Variants in GALNT18 observed in about 807,000 individuals in gnomAD.
The protein encoded by GALNT18 is GalNAc-transferase 18.
A neutral mutation model predicts 69.5 loss-of-function variants in GALNT18; 44 were observed. The ratio of observed to expected loss-of-function variants is 0.63; its 90% CI spans 0.50 to 0.81. The LOEUF (loss-of-function observed/expected upper bound fraction) is 0.81, where lower values mean the gene tolerates loss of function less well. GALNT18 is among the 40% of genes least tolerant of loss of function. GALNT18 has a pLI of 0.00. For missense variants in GALNT18, 715 were observed against 810.0 expected (o/e 0.88, Z 1.42); for synonymous variants, 364 against 318.2 (o/e 1.14, Z -1.53).
chr11:11,418,055 A>T (rs1361555785), intron 3 of GALNT18, among the ~76,000 whole-genome samples: 1 of 152,240 alleles, frequency 6.6e-6, no homozygotes, highest in Admixed American at 6.5e-5. Context: ...TGATAGAACT[A>T]CTAAATGGCT....
intron 9 of GALNT18, among the ~76,000 whole-genome samples, chr11:11,295,486 T>TG (rs1023834360): frequency 1.3e-5 from 2 of 152,150 alleles, no homozygotes; most frequent in African/African-American, 2.4e-5. Flanking sequence ...AGGAGGGCTT[T>TG]GGGGTCATGG....
chr11:11,410,980 C>T (rs1854713376), intron 3 of GALNT18, among the ~76,000 whole-genome samples: 1 of 152,172 alleles, frequency 6.6e-6, no homozygotes, highest in Non-Finnish European at 1.5e-5. Flanking sequence ...TTGACTCTGT[C>T]AATGCCTCCT....
chr11:11,280,817 G>T (rs763535322), intron 10 of GALNT18, among the ~76,000 whole-genome samples: 1 of 152,162 alleles, frequency 6.6e-6, no homozygotes, highest in Non-Finnish European at 1.5e-5. Flanking sequence ...TGGGTGTGAA[G>T]CACAGCCTCA....
chr11:11,307,150 C>T (rs916138226), intron 9 of GALNT18, among the ~76,000 whole-genome samples: 3 of 137,718 alleles, frequency 2.2e-5, no homozygotes, highest in Non-Finnish European at 4.8e-5. Context: ...TCTAGCCTAG[C>T]CCAAATTGCC....
intron 2 of GALNT18, among the ~76,000 whole-genome samples, chr11:11,437,755 T>C (rs1855435832): frequency 9.5e-6 from 1 of 105,292 alleles, no homozygotes; most frequent in South Asian, 3.8e-4. Context: ...CTGCTTGACC[T>C]GGGGGTGGGG....
In GALNT18 at chr11:11,615,986, T is replaced by TTTC. The variant is rs375596533; in HGVS notation, c.235+5370_235+5372dup. On this transcript the variant is annotated intron_variant, in intron 1 of 10. Coordinates refer to ENST00000227756, the MANE Select transcript of GALNT18 (RefSeq NM_198516.3). ...ACAAATCACAAACACTGAGTCTTTTTTTCTTCTTCTTCTTCTTCTTTTTTT... is the reference window on the plus strand; with the variant it reads ...ACAAATCACAAACACTGAGTCTTTTTTTCTTCTTCTTCTTCTTCTTCTTTTTTT... Among the ~76,000 whole-genome samples, 6 of 152,280 alleles carry TTTC rather than the reference T, an allele frequency of 3.9e-5. No individual in the cohort carries two copies. In the South Asian group the frequency reaches 6.2e-4, roughly 16 times the overall value.
intron 1 of GALNT18, among the ~76,000 whole-genome samples, chr11:11,490,078 C>T (rs1306391156): frequency 6.6e-6 from 1 of 152,154 alleles, no homozygotes; most frequent in Non-Finnish European, 1.5e-5. Flanking sequence ...TGGGGTCATT[C>T]ACTTCATGAA....
chr11:11,612,145 C>CTTCATTT (rs1859921629), intron 1 of GALNT18, among the ~76,000 whole-genome samples: 2 of 150,966 alleles, frequency 1.3e-5, no homozygotes, highest in Non-Finnish European at 3.0e-5. Flanking sequence ...CTTGAACAAA[C>CTTCATTT]TCTAAGTCTT....
intron 1 of GALNT18, among the ~76,000 whole-genome samples, chr11:11,479,218 C>T (rs901001153): frequency 3.3e-5 from 5 of 150,774 alleles, no homozygotes; most frequent in African/African-American, 5.0e-5. Context: ...AATTGGACAC[C>T]GATTCAACTA....
chr11:11,298,753 G>A (rs754336901), intron 9 of GALNT18, among the ~76,000 whole-genome samples: 2 of 152,170 alleles, frequency 1.3e-5, no homozygotes, highest in African/African-American at 2.4e-5. Context: ...TTTGTCTTTT[G>A]GATAACTGGC....
intron 6 of GALNT18, among the ~76,000 whole-genome samples, chr11:11,358,352 C>T (rs1473113596): frequency 7.2e-6 from 1 of 139,704 alleles, no homozygotes; most frequent in Non-Finnish European, 1.6e-5. Context: ...TTTCTAATGC[C>T]AAACTTGCCA....
At chr11:11,307,286 A>G (rs1590025701) in intron 9 of GALNT18, among the ~76,000 whole-genome samples, 2 of 152,214 alleles carry the variant, frequency 1.3e-5, no homozygotes, top group African/African-American at 4.8e-5. Flanking sequence ...ATGGCACACA[A>G]GGGAGGTGTT....
chr11:11,468,374 C>T (rs899070439), intron 1 of GALNT18, among the ~76,000 whole-genome samples: 3 of 152,342 alleles, frequency 2.0e-5, no homozygotes, highest in East Asian at 1.9e-4. Flanking sequence ...CAGGCTGTGG[C>T]GGTCCCCAGG....
At chr11:11,410,532 C>T (rs1854703542) in intron 3 of GALNT18, among the ~76,000 whole-genome samples, 1 of 152,138 alleles carries the variant, frequency 6.6e-6, no homozygotes. Context: ...GGTATTTTTA[C>T]ATGTCTTAAA....
intron 1 of GALNT18, among the ~76,000 whole-genome samples, chr11:11,544,370 TG>T (rs1378692980): frequency 6.6e-6 from 1 of 152,216 alleles, no homozygotes; most frequent in Non-Finnish European, 1.5e-5. Context: ...GTTCCTTCTG[TG>T]CTAGTTCTGT....
intron 1 of GALNT18, among the ~76,000 whole-genome samples, chr11:11,498,289 G>A (rs182595058): frequency 6.6e-6 from 1 of 152,324 alleles, no homozygotes. Flanking sequence ...ATTAGATTAT[G>A]TTAGTACAAT....
chr11:11,566,799 CA>C (rs1472974280), intron 1 of GALNT18, among the ~76,000 whole-genome samples: 1 of 152,128 alleles, frequency 6.6e-6, no homozygotes, highest in African/African-American at 2.4e-5. Context: ...TCCTGATGAA[CA>C]GACCACTTTG....
chr11:11,310,348 T>C (rs1336108405), intron 9 of GALNT18, among the ~76,000 whole-genome samples: 1 of 152,204 alleles, frequency 6.6e-6, no homozygotes, highest in East Asian at 1.9e-4. Flanking sequence ...TTTCCATTAA[T>C]TTAGTTGTTC....
intron 1 of GALNT18, among the ~76,000 whole-genome samples, chr11:11,490,076 T>C (rs896438192): frequency 2.0e-5 from 3 of 152,170 alleles, no homozygotes; most frequent in African/African-American, 7.2e-5. Context: ...CCTGGGGTCA[T>C]TCACTTCATG....
Sources: allele counts gnomAD v4.1 joint callset (sites outside exome capture counted in the v4.1 genomes callset), GRCh38; gene constraint gnomAD v4.1.1; transcripts MANE v1.5; gene names NCBI Gene and HGNC (gene_info 2026-07-23, HGNC 2026-07-21).